Variants in MNAT1 observed in about 807,000 individuals in gnomAD.
MNAT1 encodes CDK-activating kinase assembly factor MAT1.
A neutral mutation model predicts 42.0 loss-of-function variants in MNAT1; 43 were observed. The observed-to-expected ratio is 1.02, with a 90% CI of 0.80 to 1.32. The LOEUF is 1.32. MNAT1 is among the 40% of genes most tolerant of loss of function. The probability of loss-of-function intolerance (pLI) is 0.00; values close to 1 mark genes in which losing one functional copy is unlikely to be tolerated. For missense variants in MNAT1, 306 were observed against 350.4 expected, an observed-to-expected ratio of 0.87 and a Z score of 1.01; for synonymous variants, 118 against 120.0, an observed-to-expected ratio of 0.98 and a Z score of 0.11.
At chr14:60,745,400 C>G (rs1896584173) in intron 1 of MNAT1, among the ~76,000 whole-genome samples, 1 of 152,118 alleles carries the variant, frequency 6.6e-6, no homozygotes. Flanking sequence ...CAGATTTTCT[C>G]AGTTCTATAT....
chr14:60,912,431 A>G (rs61993026), intron 7 of MNAT1, among the ~76,000 whole-genome samples: 36,217 of 152,048 alleles, frequency 0.24, 4,654 homozygotes, highest in Middle Eastern at 0.3. Context: ...AGTCTTTACA[A>G]ATTGGCATGT....
At chr14:60,901,578 A>G (rs576519551) in intron 7 of MNAT1, among the ~76,000 whole-genome samples, 1 of 152,340 alleles carries the variant, frequency 6.6e-6, no homozygotes, top group African/African-American at 2.4e-5. Context: ...AGAAGCCATT[A>G]GGAATATTTG....
intron 7 of MNAT1, among the ~76,000 whole-genome samples, chr14:60,882,126 A>C (rs1448920922): frequency 1.3e-5 from 2 of 152,160 alleles, no homozygotes; most frequent in Non-Finnish European, 1.5e-5. Context: ...GTGCCACTGC[A>C]CTCTAGCCTG....
intron 7 of MNAT1, among the ~76,000 whole-genome samples, chr14:60,966,702 T>C (rs1412458109): frequency 1.3e-5 from 2 of 151,558 alleles, no homozygotes; most frequent in African/African-American, 2.4e-5. Context: ...TTAGTAGAGA[T>C]GGGGTTTTGC....
intron 6 of MNAT1, among the ~76,000 whole-genome samples, chr14:60,871,025 G>A (rs968345534): frequency 4.6e-5 from 7 of 152,088 alleles, no homozygotes; most frequent in Admixed American, 2.6e-4. Flanking sequence ...GCTTCTTGTA[G>A]CATAACGTTT....
chr14:60,822,899 G>A (rs1183533427), intron 6 of MNAT1, among the ~76,000 whole-genome samples: 1 of 152,080 alleles, frequency 6.6e-6, no homozygotes, highest in Non-Finnish European at 1.5e-5. Flanking sequence ...TGGGACTACA[G>A]GTGTGTGCCA....
chr14:60,807,889 T>A (rs1407458073), intron 3 of MNAT1, among the ~76,000 whole-genome samples: 1 of 152,134 alleles, frequency 6.6e-6, no homozygotes, highest in African/African-American at 2.4e-5. Context: ...GGAATGGGGA[T>A]AAAACCTGTT....
intron 1 of MNAT1, among the ~76,000 whole-genome samples, chr14:60,791,979 C>T (rs1487331906): frequency 6.6e-6 from 1 of 152,056 alleles, no homozygotes; most frequent in Non-Finnish European, 1.5e-5. Flanking sequence ...ATATTTTGTT[C>T]ATCTTCTTTG....
chr14:60,908,991 C>G (rs945698136), intron 7 of MNAT1, among the ~76,000 whole-genome samples: 3 of 152,114 alleles, frequency 2.0e-5, no homozygotes, highest in African/African-American at 7.2e-5. Flanking sequence ...CCTGTTGTTT[C>G]CTGACTTTTT....
chr14:60,739,844 A>G (rs1262436777), intron 1 of MNAT1, among the ~76,000 whole-genome samples: 1 of 152,236 alleles, frequency 6.6e-6, no homozygotes, highest in Admixed American at 6.5e-5. Context: ...ATTCTCATTT[A>G]ACTACAGCCT....
intron 6 of MNAT1, among the ~76,000 whole-genome samples, chr14:60,869,040 A>ATATATATATATATATATATATATT (rs1465360826): frequency 7.1e-5 from 8 of 113,046 alleles, no homozygotes; most frequent in Admixed American, 2.7e-4. Context: ...ATATATATAT[A>ATATATATATATATATATATATATT]TTTTTTTTTT....
intron 7 of MNAT1, among the ~76,000 whole-genome samples, chr14:60,912,148 G>C (rs1323309032): frequency 2.0e-5 from 3 of 152,066 alleles, no homozygotes; most frequent in African/African-American, 7.2e-5. Context: ...TGCAACCCCT[G>C]CCTTTTTTTG....
intron 7 of MNAT1, among the ~76,000 whole-genome samples, chr14:60,890,613 C>T (rs771852313): frequency 5.9e-5 from 9 of 152,126 alleles, no homozygotes; most frequent in Non-Finnish European, 8.8e-5. Context: ...AGTCTGTGGC[C>T]GAAGGCTTGA....
intron 7 of MNAT1, among the ~76,000 whole-genome samples, chr14:60,903,845 T>G (rs7153072): frequency 0.015 from 2,335 of 151,874 alleles, 55 homozygotes; most frequent in African/African-American, 0.054. Flanking sequence ...TTTGTTTTGT[T>G]TTTGATGCTA....
chr14:60,832,940 T>C (rs1407207678), intron 6 of MNAT1, among the ~76,000 whole-genome samples: 1 of 152,194 alleles, frequency 6.6e-6, no homozygotes, highest in African/African-American at 2.4e-5. Context: ...TTTGTAGCAA[T>C]TGTGAATGGG....
At chr14:60,856,485 A>G (rs2033961317) in intron 6 of MNAT1, among the ~76,000 whole-genome samples, 1 of 152,188 alleles carries the variant, frequency 6.6e-6, no homozygotes, top group Non-Finnish European at 1.5e-5. Context: ...CTATAACATA[A>G]AAGTTGCTAC....
intron 6 of MNAT1, among the ~76,000 whole-genome samples, chr14:60,822,538 A>G (rs978300007): frequency 1.3e-5 from 2 of 150,638 alleles, no homozygotes; most frequent in Non-Finnish European, 2.9e-5. Context: ...CCATCCTCCT[A>G]TTGCAGCCTC....
intron 5 of MNAT1, among the ~76,000 whole-genome samples, chr14:60,813,025 C>T (rs1027076367): frequency 6.6e-6 from 1 of 152,168 alleles, no homozygotes; most frequent in African/African-American, 2.4e-5. Context: ...AGGCCAGAAG[C>T]CAACTGAGCT....
intron 7 of MNAT1, among the ~76,000 whole-genome samples, chr14:60,950,118 A>T (rs1049837612): frequency 3.3e-5 from 5 of 152,182 alleles, no homozygotes; most frequent in African/African-American, 1.2e-4. Context: ...GACATGATTC[A>T]GATTCTAGTG....
Sources: gnomAD v4.1 joint callset for allele counts (sites outside exome capture counted in the v4.1 genomes callset) on GRCh38, gnomAD v4.1.1 for gene constraint, MANE v1.5 for transcripts, NCBI Gene and HGNC (gene_info 2026-07-23, HGNC 2026-07-21) for gene names.